The following FAM193A variants were observed in gnomAD, a reference collection of about 807,000 sequenced individuals.
FAM193A encodes family with sequence similarity 193 member A, also known as protein FAM193A.
In FAM193A, 22 loss-of-function variants were observed where a neutral mutation model predicts 126.5. The ratio of observed to expected loss-of-function variants is 0.17; its 90% CI spans 0.12 to 0.25. The LOEUF is 0.25. Among genes scored for constraint, FAM193A ranks in the 10% least tolerant of loss-of-function variants. The pLI is 1.00. For missense variants in FAM193A, 1,675 were observed against 1,672.8 expected, an observed-to-expected ratio of 1.00 and a Z score of -0.02; for synonymous variants, 761 against 646.8, an observed-to-expected ratio of 1.18 and a Z score of -2.68.
intron 2 of FAM193A, among the ~76,000 whole-genome samples, chr4:2,601,426 G>A (rs1011349730): frequency 1.3e-5 from 2 of 151,450 alleles, no homozygotes; most frequent in South Asian, 2.1e-4. Context: ...GTAGAGATGG[G>A]GTTTCGCCAT....
chr4:2,562,322 C>T (rs1002006567), intron 1 of FAM193A, among the ~76,000 whole-genome samples: 10 of 151,928 alleles, frequency 6.6e-5, no homozygotes, highest in East Asian at 1.9e-4. Flanking sequence ...TGCGGTGGTG[C>T]GTGCCTGTAG....
chr4:2,625,667 A>G (rs896829556), intron 3 of FAM193A: 2 of 232,200 alleles, frequency 8.6e-6, no homozygotes, highest in Admixed American at 5.7e-5. Flanking sequence ...GCGATGGGGG[A>G]GAGCCTGACT....
chr4:2,654,497 C>G (rs1745981930), intron 7 of FAM193A: 1 of 145,210 alleles, frequency 6.9e-6, no homozygotes, highest in Admixed American at 7.2e-5. Context: ...CATTCTTTCT[C>G]TGTTGTTTGA....
intron 1 of FAM193A, among the ~76,000 whole-genome samples, chr4:2,563,253 A>G (rs1738736759): frequency 6.6e-6 from 1 of 152,142 alleles, no homozygotes; most frequent in African/African-American, 2.4e-5. Context: ...TTTGATCTGC[A>G]TTTCAGTCAT....
At chr4:2,630,159 A>G (rs1473918327) in intron 4 of FAM193A, among the ~76,000 whole-genome samples, 2 of 151,712 alleles carry the variant, frequency 1.3e-5, no homozygotes, top group African/African-American at 2.4e-5. Context: ...GTGGATTATC[A>G]TACACATTTG....
intron 1 of FAM193A, among the ~76,000 whole-genome samples, chr4:2,587,866 G>A (rs765042040): frequency 2.0e-5 from 3 of 152,118 alleles, no homozygotes; most frequent in Non-Finnish European, 4.4e-5. Context: ...CAGCATATTT[G>A]CATCCTAATG....
intron 1 of FAM193A, among the ~76,000 whole-genome samples, chr4:2,547,233 C>T (rs1234063352): frequency 6.6e-6 from 1 of 151,934 alleles, no homozygotes; most frequent in Admixed American, 6.6e-5. Context: ...ACTAAAAATA[C>T]AAAAAGTAGC....
At chr4:2,598,991 C>T (rs1577057938) in intron 2 of FAM193A, among the ~76,000 whole-genome samples, 1 of 152,228 alleles carries the variant, frequency 6.6e-6, no homozygotes, top group African/African-American at 2.4e-5. Context: ...CTGCAGGGGT[C>T]TGACCGGCCC....
intron 20 of FAM193A, among the ~76,000 whole-genome samples, chr4:2,721,109 C>T (rs1219448758): frequency 2.0e-5 from 3 of 151,900 alleles, no homozygotes; most frequent in African/African-American, 4.8e-5. Flanking sequence ...GCCAGGAGCT[C>T]GAAACCATCC....
intron 1 of FAM193A, among the ~76,000 whole-genome samples, chr4:2,569,733 G>A (rs2108856109): frequency 6.6e-6 from 1 of 151,672 alleles, no homozygotes; most frequent in South Asian, 2.1e-4. Context: ...TTGAACTCCT[G>A]GGCTCAAGTG....
At chr4:2,688,401 A>C (rs1465753687) in intron 13 of FAM193A, among the ~76,000 whole-genome samples, 8 of 152,146 alleles carry the variant, frequency 5.3e-5, no homozygotes. Context: ...AGCGATCTTT[A>C]GGCCGAGGCC....
intron 7 of FAM193A, among the ~76,000 whole-genome samples, chr4:2,656,957 A>C (rs995907086): frequency 1.3e-5 from 2 of 152,220 alleles, no homozygotes; most frequent in Non-Finnish European, 2.9e-5. Context: ...ACTTGAGGCC[A>C]GGAGTTCCAG....
chr4:2,572,631 C>T (rs762883176), intron 1 of FAM193A, among the ~76,000 whole-genome samples: 6 of 151,756 alleles, frequency 4.0e-5, no homozygotes, highest in Non-Finnish European at 7.4e-5. Flanking sequence ...GTGTGGGAGG[C>T]GACATGTTGC....
chr4:2,539,156 TC>T (rs1427136370), intron 1 of FAM193A, among the ~76,000 whole-genome samples: 7 of 152,164 alleles, frequency 4.6e-5, no homozygotes. Flanking sequence ...CCTCTCAAAG[TC>T]CTGGAATTAC....
At chr4:2,651,199 A>G (rs1745629305) in intron 7 of FAM193A, among the ~76,000 whole-genome samples, 1 of 152,160 alleles carries the variant, frequency 6.6e-6, no homozygotes, top group Admixed American at 6.5e-5. Flanking sequence ...GCGTGGTGGC[A>G]CATGCCTGTA....
At chr4:2,690,423 A>G (rs2109262277) in intron 14 of FAM193A, among the ~76,000 whole-genome samples, 1 of 152,322 alleles carries the variant, frequency 6.6e-6, no homozygotes, top group African/African-American at 2.4e-5. Context: ...CAGTTTCTTC[A>G]TCTTCTTAGG....
chr4:2,638,345 G>A (rs888102373), intron 5 of FAM193A, among the ~76,000 whole-genome samples: 1 of 152,194 alleles, frequency 6.6e-6, no homozygotes, highest in Non-Finnish European at 1.5e-5. Context: ...CATTTCACCT[G>A]CTTATTATTA....
chr4:2,664,399 G>C (rs754479735), intron 12 of FAM193A, among the ~76,000 whole-genome samples: 2 of 152,062 alleles, frequency 1.3e-5, no homozygotes, highest in African/African-American at 4.8e-5. Context: ...GACTGTAAAT[G>C]TAAGAGTTTA....
intron 2 of FAM193A, among the ~76,000 whole-genome samples, chr4:2,601,335 C>A (rs909238371): frequency 6.8e-6 from 1 of 148,106 alleles, no homozygotes; most frequent in Non-Finnish European, 1.5e-5. Flanking sequence ...CGGGTTCAAG[C>A]GATTCTGGTG....
Sources: gnomAD v4.1 joint callset for allele counts (sites outside exome capture counted in the v4.1 genomes callset) on GRCh38, gnomAD v4.1.1 for gene constraint, MANE v1.5 for transcripts, NCBI Gene and HGNC (gene_info 2026-07-23, HGNC 2026-07-21) for gene names.